Variants in PRKCH observed in about 807,000 individuals in gnomAD.
The protein encoded by PRKCH is protein kinase C eta type.
A neutral mutation model predicts 82.5 loss-of-function variants in PRKCH; 28 were observed. That is an observed-to-expected ratio of 0.34 (90% confidence interval 0.25 to 0.47). The LOEUF (loss-of-function observed/expected upper bound fraction) is 0.47, where lower values mean the gene tolerates loss of function less well. Among genes scored for constraint, PRKCH ranks in the 20% least tolerant of loss-of-function variants. The pLI is 1.00. For synonymous variants in PRKCH, 322 were observed against 327.4 expected, an observed-to-expected ratio of 0.98 and a Z score of 0.18; for missense variants, 705 against 881.8, an observed-to-expected ratio of 0.80 and a Z score of 2.54.
At chr14:61,465,764 C>T (rs1885225388) in intron 9 of PRKCH, among the ~76,000 whole-genome samples, 1 of 152,144 alleles carries the variant, frequency 6.6e-6, no homozygotes, top group Non-Finnish European at 1.5e-5. Context: ...TGGGGGTACA[C>T]TTCAATAATA....
intron 1 of PRKCH, among the ~76,000 whole-genome samples, chr14:61,282,325 G>A (rs191437523): frequency 4.0e-5 from 6 of 149,514 alleles, no homozygotes; most frequent in East Asian, 3.9e-4. Flanking sequence ...AGGGGGTATT[G>A]GGACGTTCTG....
chr14:61,259,482 CG>C (rs1158190080), intron 1 of PRKCH, among the ~76,000 whole-genome samples: 2 of 152,192 alleles, frequency 1.3e-5, no homozygotes, highest in African/African-American at 4.8e-5. Flanking sequence ...CCCGGCTGCA[CG>C]TAAGAATCAC....
At chr14:61,432,810 G>A (rs1347392744) in intron 2 of PRKCH, among the ~76,000 whole-genome samples, 1 of 151,882 alleles carries the variant, frequency 6.6e-6, no homozygotes, top group Non-Finnish European at 1.5e-5. Context: ...CTGGCCTCAA[G>A]TGATCCTCCC....
intron 12 of PRKCH, among the ~76,000 whole-genome samples, chr14:61,544,922 T>C (rs987231416): frequency 1.3e-5 from 2 of 152,228 alleles, no homozygotes; most frequent in African/African-American, 4.8e-5. Flanking sequence ...CTTCCAACTC[T>C]TCCTTCCAAT....
intron 1 of PRKCH, among the ~76,000 whole-genome samples, chr14:61,373,529 C>T (rs892492774): frequency 6.6e-6 from 1 of 151,938 alleles, no homozygotes; most frequent in African/African-American, 2.4e-5. Flanking sequence ...TATCATTCCG[C>T]CCCTGGCCCC....
rs1250510729 is a variant in PRKCH, at chr14:61,287,276, T to C, written c.-19+99608T>C. 3.8e-5 allele frequency among the ~76,000 whole-genome samples: 5 copies of C among 132,096 alleles called. 1 individual carries two copies. Among genetic ancestry groups the C allele is most frequent in the African/African-American group, 1.5e-4 (5 of 33,588 alleles). The allele number at this position is 132,096 out of a possible 152,430, so 86.7% of individuals were successfully genotyped here. A position where few individuals can be genotyped will look rare whatever the true frequency, so the allele number is the denominator to read the frequency against. The stretch of plus-strand genomic sequence containing the variant: ...TAGGGCTGGACTTGAATTGTGTGGG[T>C]AGAGTTTGGCTGTAGGGGTTGTGCT... On this transcript the variant is annotated intron_variant, in intron 1 of 3. Coordinates refer to the PRKCH transcript ENST00000555185.
Position 61,485,466 on chromosome 14 carries a change from A to G in PRKCH, c.1279-36A>G, listed in dbSNP as rs535120170. 68 of 1,606,124 alleles carry G rather than the reference A, an allele frequency of 4.2e-5. 1 individual carries two copies. In the East Asian group the frequency reaches 1.4e-3, roughly 33 times the overall value. ...CTGATGGAGCTCTAGGTTAATTGCTACACCACATTGGGCCCTCTCTTGTGT... is the reference window on the plus strand; with the variant it reads ...CTGATGGAGCTCTAGGTTAATTGCTGCACCACATTGGGCCCTCTCTTGTGT... On this transcript the variant is annotated intron_variant, in intron 9 of 13. Coordinates refer to ENST00000332981, the MANE Select transcript of PRKCH (RefSeq NM_006255.5).
chr14:61,429,343 C>T lies in PRKCH; in HGVS notation c.428-13768C>T, dbSNP rs568036959. Among the ~76,000 whole-genome samples, 71 of 152,276 alleles carry T rather than the reference C, an allele frequency of 4.7e-4. No individual in the cohort carries two copies. The South Asian group carries it at 0.015, about 31-fold the overall frequency. ...ACAGCTTAAATAGAAACCTATAGAA[C>T]TGAGGCAACCTTCTGTTTCTCAAAG... is the stretch of plus-strand genomic sequence containing the variant. On this transcript the variant is annotated intron_variant, in intron 2 of 13. Transcript: ENST00000332981.
intron 1 of PRKCH, among the ~76,000 whole-genome samples, chr14:61,191,969 G>C (rs1317231724): frequency 6.6e-6 from 1 of 152,044 alleles, no homozygotes; most frequent in Non-Finnish European, 1.5e-5. Context: ...CATTGGCAGG[G>C]AGATGGATAT....
intron 10 of PRKCH, among the ~76,000 whole-genome samples, chr14:61,493,370 A>T (rs892338109): frequency 6.6e-6 from 1 of 152,172 alleles, no homozygotes; most frequent in Non-Finnish European, 1.5e-5. Flanking sequence ...TTCCAATTCC[A>T]TGTAGTAAGA....
chr14:61,465,743 G>T (rs1885224372), intron 9 of PRKCH, among the ~76,000 whole-genome samples: 1 of 152,148 alleles, frequency 6.6e-6, no homozygotes, highest in Admixed American at 6.5e-5. Flanking sequence ...AACAACTTCA[G>T]CATTTAGCAA....
At chr14:61,351,136 C>T (rs2046068677) in intron 1 of PRKCH, among the ~76,000 whole-genome samples, 1 of 152,142 alleles carries the variant, frequency 6.6e-6, no homozygotes, top group African/African-American at 2.4e-5. Flanking sequence ...TAAAAAGATA[C>T]TCTACTAAAA....
At chr14:61,249,368 C>A (rs2044918939) in intron 1 of PRKCH, among the ~76,000 whole-genome samples, 1 of 152,092 alleles carries the variant, frequency 6.6e-6, no homozygotes, top group Non-Finnish European at 1.5e-5. Context: ...GTCAGTCTAT[C>A]CGAATGCAAG....
chr14:61,286,806 G>A (rs2045320041), intron 1 of PRKCH, among the ~76,000 whole-genome samples: 1 of 152,178 alleles, frequency 6.6e-6, no homozygotes, highest in Non-Finnish European at 1.5e-5. Flanking sequence ...TGTGAGCACA[G>A]TTGGGTGGGT....
intron 1 of PRKCH, among the ~76,000 whole-genome samples, chr14:61,251,638 A>G (rs749161444): frequency 6.6e-6 from 1 of 152,256 alleles, no homozygotes; most frequent in East Asian, 1.9e-4. Flanking sequence ...AATCTTGGCT[A>G]TTGTGAACAG....
intron 10 of PRKCH, among the ~76,000 whole-genome samples, chr14:61,496,227 A>C (rs1015824502): frequency 2.0e-5 from 3 of 152,226 alleles, no homozygotes; most frequent in Non-Finnish European, 4.4e-5. Flanking sequence ...CCTCTGTTTA[A>C]TTGTATCTTC....
intron 13 of PRKCH, among the ~76,000 whole-genome samples, chr14:61,548,752 A>C (rs925425876): frequency 6.6e-6 from 1 of 151,586 alleles, no homozygotes; most frequent in African/African-American, 2.4e-5. Context: ...AATCCCTGCT[A>C]CTCAGGAGGC....
upstream of PRKCH, among the ~76,000 whole-genome samples, chr14:61,319,571 T>A (rs979196267): frequency 7.2e-5 from 11 of 151,862 alleles, no homozygotes; most frequent in East Asian, 3.9e-4. Context: ...TTTTAAAATT[T>A]AAAAAAAAAT....
At chr14:61,490,345 G>C (rs901543585) in intron 10 of PRKCH, among the ~76,000 whole-genome samples, 1 of 152,144 alleles carries the variant, frequency 6.6e-6, no homozygotes, top group Non-Finnish European at 1.5e-5. Flanking sequence ...TACTTAATTT[G>C]ACTCTTTTAA....
Sources: allele counts gnomAD v4.1 joint callset (sites outside exome capture counted in the v4.1 genomes callset), GRCh38; gene constraint gnomAD v4.1.1; transcripts MANE v1.5; gene names NCBI Gene and HGNC (gene_info 2026-07-23, HGNC 2026-07-21).